The following GPC5 variants were observed in gnomAD, a reference collection of about 807,000 sequenced individuals.
GPC5 encodes glypican-5.
Under a neutral mutation model 53.9 loss-of-function variants are expected in GPC5, and 47 were observed. That is an observed-to-expected ratio of 0.87 (90% CI 0.69 to 1.11). GPC5 has a LOEUF of 1.11. Among genes scored for constraint, GPC5 ranks in the 50% most tolerant of loss-of-function variants. GPC5 has a pLI of 0.00. For missense variants in GPC5, 748 were observed against 713.1 expected (o/e 1.05, Z -0.56); for synonymous variants, 286 against 263.3 (o/e 1.09, Z -0.84).
chr13:92,430,967 A>C (rs760904091), intron 7 of GPC5, among the ~76,000 whole-genome samples: 103 of 152,302 alleles, frequency 6.8e-4, no homozygotes, highest in Non-Finnish European at 1.4e-3. Flanking sequence ...GACACAATAC[A>C]ATAAATATTT....
At chr13:92,421,696 C>A (rs1203603755) in intron 7 of GPC5, among the ~76,000 whole-genome samples, 8 of 21,436 alleles carry the variant, frequency 3.7e-4, no homozygotes, top group Non-Finnish European at 4.3e-4. Flanking sequence ...AAGACTCCGT[C>A]TCAAAAAAAA....
chr13:92,742,399 A>G (rs902770155), intron 7 of GPC5, among the ~76,000 whole-genome samples: 51 of 152,136 alleles, frequency 3.4e-4, no homozygotes, highest in African/African-American at 8.4e-4. Flanking sequence ...AGAAGTGTCT[A>G]TTCATATCCT....
At chr13:92,730,135 G>A (rs967495727) in intron 7 of GPC5, among the ~76,000 whole-genome samples, 4 of 151,276 alleles carry the variant, frequency 2.6e-5, no homozygotes, top group East Asian at 1.9e-4. Flanking sequence ...TGAAAGAAAG[G>A]ACACACTACT....
At chr13:91,850,626 T>C (rs569196458) in intron 5 of GPC5, among the ~76,000 whole-genome samples, 1 of 152,330 alleles carries the variant, frequency 6.6e-6, no homozygotes, top group South Asian at 2.1e-4. Context: ...AATATTCTCA[T>C]CTATATTTTA....
rs191486763 is a variant in GPC5 at position 91,662,298 on chromosome 13, C to T, written c.326-30889C>T. Among the ~76,000 whole-genome samples, 33 of 152,186 alleles carry T rather than the reference C, an allele frequency of 2.2e-4. No homozygotes were observed. The East Asian group carries it at 5.0e-3, about 23-fold the overall frequency. On this transcript the variant is annotated intron_variant, in intron 2 of 7. Coordinates refer to ENST00000377067, the MANE Select transcript of GPC5 (RefSeq NM_004466.6). ...TATTAAGGAGGAGGGAATGAGAGAC[C>T]GCCAAATGTTGCTGACATGTCACCT...
chr13:92,377,022 A>C (rs1283411127), intron 7 of GPC5, among the ~76,000 whole-genome samples: 1 of 151,936 alleles, frequency 6.6e-6, no homozygotes, highest in Non-Finnish European at 1.5e-5. Flanking sequence ...CTCAAATAAA[A>C]AAAAAAAAGA....
intron 7 of GPC5, among the ~76,000 whole-genome samples, chr13:92,584,392 C>T (rs1883469030): frequency 6.6e-6 from 1 of 152,072 alleles, no homozygotes; most frequent in Non-Finnish European, 1.5e-5. Context: ...CAGGATTTTG[C>T]CCCTGCCCTA....
At chr13:92,780,339 ATAAT>A (rs1875973997) in intron 7 of GPC5, among the ~76,000 whole-genome samples, 1 of 150,766 alleles carries the variant, frequency 6.6e-6, no homozygotes, top group Admixed American at 6.6e-5. Context: ...TTCACTTAAT[ATAAT>A]TAAGTGTAAT....
At chr13:92,216,978 CAAAAAA>C (rs61411051) in intron 7 of GPC5, among the ~76,000 whole-genome samples, 72 of 93,656 alleles carry the variant, frequency 7.7e-4, no homozygotes, top group Admixed American at 6.9e-3. Flanking sequence ...GATCTTGTCT[CAAAAAA>C]AAAAAAAAAA....
intron 7 of GPC5, among the ~76,000 whole-genome samples, chr13:92,630,656 T>C (rs1433811151): frequency 2.6e-5 from 4 of 152,166 alleles, no homozygotes; most frequent in Non-Finnish European, 4.4e-5. Flanking sequence ...CAAACCTGCA[T>C]GTTCTGCACA....
chr13:92,368,846 T>C (rs561389384), intron 7 of GPC5, among the ~76,000 whole-genome samples: 5 of 152,110 alleles, frequency 3.3e-5, no homozygotes, highest in Non-Finnish European at 7.3e-5. Flanking sequence ...GCCGGGCATA[T>C]GCATTTTTGT....
chr13:91,658,611 T>C (rs915017807), intron 2 of GPC5, among the ~76,000 whole-genome samples: 1 of 152,326 alleles, frequency 6.6e-6, no homozygotes, highest in East Asian at 1.9e-4. Context: ...ATCTGAATCA[T>C]GTTTAATGAG....
At chr13:92,353,115 C>T (rs2043493009) in intron 7 of GPC5, among the ~76,000 whole-genome samples, 2 of 151,148 alleles carry the variant, frequency 1.3e-5, no homozygotes, top group Middle Eastern at 3.4e-3. Context: ...AAAAAATTAG[C>T]CAGGCGCGGT....
intron 1 of GPC5, among the ~76,000 whole-genome samples, chr13:91,447,525 C>T (rs7335677): frequency 0.67 from 101,504 of 151,910 alleles, 34,564 homozygotes; most frequent in African/African-American, 0.79. Flanking sequence ...CAGCCAAAAT[C>T]GTTAGAGATT....
intron 7 of GPC5, among the ~76,000 whole-genome samples, chr13:92,795,492 A>G (rs1876639957): frequency 6.6e-6 from 1 of 152,216 alleles, no homozygotes; most frequent in South Asian, 2.1e-4. Context: ...TTCTTGACTC[A>G]AACAGCAAAA....
chr13:92,576,160 C>A (rs1883183703), intron 7 of GPC5, among the ~76,000 whole-genome samples: 1 of 152,188 alleles, frequency 6.6e-6, no homozygotes, highest in South Asian at 2.1e-4. Flanking sequence ...AAAATCTGTT[C>A]TCTTCATAAC....
At chr13:92,716,763 C>T (rs939003339) in intron 7 of GPC5, among the ~76,000 whole-genome samples, 4 of 152,090 alleles carry the variant, frequency 2.6e-5, no homozygotes, top group East Asian at 1.9e-4. Context: ...CCAAGATGAA[C>T]GTCTCAGACT....
At chr13:92,752,646 C>T (rs1874620996) in intron 7 of GPC5, among the ~76,000 whole-genome samples, 1 of 152,108 alleles carries the variant, frequency 6.6e-6, no homozygotes. Context: ...CGTGCGCGAG[C>T]TGAAGCAGGG....
intron 2 of GPC5, among the ~76,000 whole-genome samples, chr13:91,511,466 C>A (rs935035552): frequency 4.9e-4 from 75 of 151,950 alleles, no homozygotes; most frequent in African/African-American, 1.7e-3. Context: ...TTCTCTTTCT[C>A]CCTTTGCACC....
Sources: allele counts gnomAD v4.1 joint callset (sites outside exome capture counted in the v4.1 genomes callset), GRCh38; gene constraint gnomAD v4.1.1; transcripts MANE v1.5; gene names NCBI Gene and HGNC (gene_info 2026-07-23, HGNC 2026-07-21).